SLC17A3: variants seen among roughly 807,000 people sequenced by gnomAD.
The protein encoded by SLC17A3 is sodium-dependent phosphate transport protein 4.
In SLC17A3, 61 loss-of-function variants were observed where a neutral mutation model predicts 60.3. That is an observed-to-expected ratio of 1.01 (90% confidence interval 0.82 to 1.25). SLC17A3 has a LOEUF of 1.25. Among genes scored for constraint, SLC17A3 ranks in the 50% most tolerant of loss-of-function variants. SLC17A3 has a pLI of 0.00. For missense variants in SLC17A3, 624 were observed against 594.9 expected (o/e 1.05, Z -0.51); for synonymous variants, 192 against 208.9 (o/e 0.92, Z 0.70).
Position 25,850,546 on chromosome 6 carries a change from G to C in SLC17A3, c.906C>G (p.Gly302=), listed in dbSNP as rs747055161. 4 of 1,613,832 alleles carry C rather than the reference G, an allele frequency of 2.5e-6. No individual in the cohort carries two copies. In the South Asian group the frequency reaches 3.3e-5, roughly 13 times the overall value. The part of the protein sequence containing the change: ...RSLPIWSICL[G]CFSHQWLVST... ...TAACTAACCATTGATGGCTGAAACA[G>C]CCTAAACATATGGACCAAATGGGTA... The change falls in exon 8 of 13, where the codon GGC becomes GGG. Residue 302 remains glycine (G), a synonymous_variant. Coordinates refer to ENST00000397060, the MANE Select transcript of SLC17A3 (RefSeq NM_001098486.2).
chr6:25,850,762 T>C lies in SLC17A3; in HGVS notation c.828A>G (p.Gln276=). ...EKEYIISSLK[Q]QVGSSKQPLP... is the part of the protein sequence containing the mutation. ...GTGTTGGTGTCTTTATATGTACCTG[T>C]TGTTTCAAGGAGGATATGATGTATT... The change falls in exon 7 of 13, where the codon CAA becomes CAG. Residue 276 remains glutamine (Q), a synonymous_variant. Coordinates refer to ENST00000397060, the MANE Select transcript of SLC17A3 (RefSeq NM_001098486.2). 6.2e-7 allele frequency: 1 copy of C among 1,612,490 alleles called. No homozygotes were observed. The highest frequency in any genetic ancestry group is 8.5e-7 in the Non-Finnish European group (1 of 1,178,434).
At chr6:25,862,088 AGAAAG>A in intron 3 of SLC17A3, 59 bp from the exon 4 acceptor site, 1 of 1,451,274 alleles carries the variant, frequency 6.9e-7, no homozygotes, top group Non-Finnish European at 9.5e-7. Context: ...TACATACCCT[AGAAAG>A]CTCCTTTAGA....
rs555842552 is a variant in SLC17A3 at position 25,862,085 on chromosome 6, C to T, written c.304-56G>A. ...CTTACACAAAAAGGTTCTTACATAC[C>T]CTAGAAAGCTCCTTTAGACCTTTTG... On this transcript the variant is annotated intron_variant, in intron 3 of 12. Coordinates refer to ENST00000397060, the MANE Select transcript of SLC17A3 (RefSeq NM_001098486.2). The T allele has an allele frequency of 4.5e-5, 65 of 1,456,662 alleles. No individual in the cohort carries two copies. In the East Asian group the frequency reaches 1.5e-3, roughly 34 times the overall value. The allele number at this position is 1,456,662 out of a possible 1,614,324, so 90.2% of individuals were successfully genotyped here. A position where few individuals can be genotyped will look rare whatever the true frequency, so the allele number is the denominator to read the frequency against.
At chr6:25,865,082 T>C (rs1473334235) in intron 2 of SLC17A3, among the ~76,000 whole-genome samples, 3 of 151,974 alleles carry the variant, frequency 2.0e-5, no homozygotes, top group Non-Finnish European at 4.4e-5. Flanking sequence ...ACAATAACGC[T>C]ATGAAGCAGC....
chr6:25,851,697 T>C (rs950098453), intron 6 of SLC17A3, among the ~76,000 whole-genome samples: 5 of 152,164 alleles, frequency 3.3e-5, no homozygotes, highest in Admixed American at 3.3e-4. Context: ...CAGTTTACTT[T>C]ATATGAAGTA....
chr6:25,855,997 C>T (rs80145060), intron 5 of SLC17A3, among the ~76,000 whole-genome samples: 8,544 of 152,184 alleles, frequency 0.056, 423 homozygotes, highest in African/African-American at 0.13. Context: ...CTAGAGTCTA[C>T]GCAGTTACTC....
At chr6:25,868,609 T>C (rs1030416892) in intron 1 of SLC17A3, 189 bp from the exon 2 acceptor site, 1 of 540,512 alleles carries the variant, frequency 1.9e-6, no homozygotes, top group African/African-American at 1.9e-5. Flanking sequence ...ATTGTTTATT[T>C]ATTAGGATCT....
chr6:25,862,067 A>G (rs1765458184), intron 3 of SLC17A3, 38 bp from the exon 4 acceptor site: 6 of 1,513,002 alleles, frequency 4.0e-6, no homozygotes, highest in African/African-American at 1.4e-5. Flanking sequence ...AACCTTACAC[A>G]AAAAGGTTCT....
intron 1 of SLC17A3, among the ~76,000 whole-genome samples, chr6:25,872,432 G>A (rs1765659602): frequency 6.6e-6 from 1 of 150,652 alleles, no homozygotes; most frequent in Non-Finnish European, 1.5e-5. Context: ...TCATCTAAGT[G>A]TGTGTGTCTG....
intron 5 of SLC17A3, among the ~76,000 whole-genome samples, chr6:25,861,345 A>G (rs777291207): frequency 3.3e-5 from 5 of 152,182 alleles, no homozygotes; most frequent in Non-Finnish European, 5.9e-5. Context: ...CTTTCCATCT[A>G]TGACTCAAAA....
chr6:25,862,087 T>G (rs1190755033), intron 3 of SLC17A3, 58 bp from the exon 4 acceptor site: 12 of 1,455,248 alleles, frequency 8.2e-6, no homozygotes, highest in Non-Finnish European at 1.1e-5. Context: ...TTACATACCC[T>G]AGAAAGCTCC....
rs577383616 is a variant in SLC17A3, at chr6:25,845,290, G to A, written c.*11C>T. 2 of 1,484,384 alleles carry A rather than the reference G, an allele frequency of 1.3e-6. No homozygotes were observed. The highest frequency in any genetic ancestry group is 1.7e-5 in the Admixed American group (1 of 59,720). The allele number at this position is 1,484,384 out of a possible 1,614,324, so 92.0% of individuals were successfully genotyped here. ...GTGCCTAATGACTTTTCCATCCAAG[G>A]TGGGATAACTAAGAAAGGAAAATGA... On this transcript the variant is annotated 3_prime_UTR_variant, in exon 13 of 13. Transcript: ENST00000397060.
At chr6:25,848,303 G>C (rs1029676805) in intron 11 of SLC17A3, among the ~76,000 whole-genome samples, 1 of 152,174 alleles carries the variant, frequency 6.6e-6, no homozygotes, top group Non-Finnish European at 1.5e-5. Flanking sequence ...TCTACTTTTA[G>C]TTCTTTAAGG....
At chr6:25,850,642 A>G (rs1287740220) in intron 7 of SLC17A3, 22 bp from the exon 8 acceptor site, 2 of 1,613,682 alleles carry the variant, frequency 1.2e-6, no homozygotes, top group South Asian at 2.2e-5. Flanking sequence ...TTTACTGGTC[A>G]TAACGGTAAA....
chr6:25,859,784 A>T (rs1346050366), intron 5 of SLC17A3, among the ~76,000 whole-genome samples: 1 of 152,186 alleles, frequency 6.6e-6, no homozygotes, highest in African/African-American at 2.4e-5. Context: ...ACACTTGAAC[A>T]TTCTGCACAC....
chr6:25,856,497 C>G (rs933708043), intron 5 of SLC17A3, among the ~76,000 whole-genome samples: 1 of 152,194 alleles, frequency 6.6e-6, no homozygotes, highest in African/African-American at 2.4e-5. Flanking sequence ...TCTTGGCCTC[C>G]CAAAGCACTG....
intron 5 of SLC17A3, among the ~76,000 whole-genome samples, chr6:25,858,141 G>T (rs183772205): frequency 8.2e-4 from 124 of 152,032 alleles, no homozygotes; most frequent in African/African-American, 2.4e-3. Context: ...TCAACCTCCT[G>T]AGTAGCTGCA....
chr6:25,857,543 C>T (rs1325227915), intron 5 of SLC17A3, among the ~76,000 whole-genome samples: 2 of 149,564 alleles, frequency 1.3e-5, no homozygotes, highest in South Asian at 4.2e-4. Flanking sequence ...AGATCTTTTC[C>T]TACCACATAA....
chr6:25,857,111 C>A (rs1765369353), intron 5 of SLC17A3, among the ~76,000 whole-genome samples: 1 of 151,738 alleles, frequency 6.6e-6, no homozygotes, highest in Non-Finnish European at 1.5e-5. Flanking sequence ...ATCACTAGAG[C>A]CTAGGAGTTC....
Sources: allele counts gnomAD v4.1 joint callset (sites outside exome capture counted in the v4.1 genomes callset), GRCh38; gene constraint gnomAD v4.1.1; transcripts MANE v1.5; gene names NCBI Gene and HGNC (gene_info 2026-07-23, HGNC 2026-07-21).